Variants in KCNJ16 observed in about 807,000 individuals in gnomAD.
KCNJ16 encodes the protein inward rectifier potassium channel 16.
A neutral mutation model predicts 18.5 loss-of-function variants in KCNJ16; 15 were observed. The observed-to-expected ratio is 0.81, with a 90% CI of 0.54 to 1.25. The LOEUF (loss-of-function observed/expected upper bound fraction) is 1.25, where lower values mean the gene tolerates loss of function less well. Among genes scored for constraint, KCNJ16 ranks in the 50% most tolerant of loss-of-function variants. The pLI is 0.00. For synonymous variants in KCNJ16, 174 were observed against 186.5 expected, an observed-to-expected ratio of 0.93 and a Z score of 0.55; for missense variants, 523 against 525.7, an observed-to-expected ratio of 0.99 and a Z score of 0.05.
chr17:70,105,657 T>C (rs531525528), intron 2 of KCNJ16, among the ~76,000 whole-genome samples: 1 of 152,320 alleles, frequency 6.6e-6, no homozygotes, highest in South Asian at 2.1e-4. Context: ...AATAAGCCCT[T>C]CAAGCATTGA....
chr17:70,132,251 G>A lies in KCNJ16; in HGVS notation c.164G>A (p.Gly55Glu), dbSNP rs1268104464. The A allele has an allele frequency of 9.3e-6, 15 of 1,614,238 alleles. No individual in the cohort carries two copies. The highest frequency in any genetic ancestry group is 1.3e-5 in the Non-Finnish European group (15 of 1,180,036). Reference protein sequence around the residue: ...VYFKHIFGEWGSYVVDIFTTL... With the variant: ...VYFKHIFGEWESYVVDIFTTL... ...TTCAAGCACATTTTTGGAGAATGGG[G>A]AAGCTATGTGGTTGACATCTTCACC... is the stretch of plus-strand genomic sequence containing the variant. The change falls in exon 4 of 4, where the codon GGA becomes GAA. Residue 55 changes from glycine to glutamate, a missense_variant. Coordinates refer to ENST00000392671, the MANE Select transcript of KCNJ16 (RefSeq NM_170741.4).
At chr17:70,107,666 C>T (rs1356638475) in intron 2 of KCNJ16, among the ~76,000 whole-genome samples, 1 of 150,732 alleles carries the variant, frequency 6.6e-6, no homozygotes, top group East Asian at 1.9e-4. Flanking sequence ...GTTGGCATGA[C>T]AAATATGGCT....
chr17:70,102,966 ACT>A (rs1218907347), intron 2 of KCNJ16, among the ~76,000 whole-genome samples: 1 of 150,850 alleles, frequency 6.6e-6, no homozygotes, highest in African/African-American at 2.4e-5. Context: ...ACAGGGTCTC[ACT>A]CTGCCGCTCT....
chr17:70,118,528 G>A (rs1019685817), intron 2 of KCNJ16, among the ~76,000 whole-genome samples: 6 of 152,108 alleles, frequency 3.9e-5, no homozygotes, highest in African/African-American at 1.2e-4. Context: ...TGCTTCTGGG[G>A]AGGCCTCAGG....
Position 70,098,536 on chromosome 17 carries a change from T to TA in KCNJ16, c.-299-2108dup, listed in dbSNP as rs374041292. 2.8e-3 allele frequency among the ~76,000 whole-genome samples: 388 copies of TA among 140,736 alleles called. 1 individual carries two copies. Among genetic ancestry groups the TA allele is most frequent in the African/African-American group, 4.7e-3 (181 of 38,812 alleles). The allele number at this position is 140,736 out of a possible 152,430, so 92.3% of individuals were successfully genotyped here. ...AAATCTTCTTTCTTTTCCCTTTGATTAAAAAAAAAAAAAACCTTTATGGCC... is the reference window on the plus strand; with the variant it reads ...AAATCTTCTTTCTTTTCCCTTTGATTAAAAAAAAAAAAAAACCTTTATGGCC... On this transcript the variant is annotated intron_variant, in intron 1 of 3. Transcript: ENST00000392671.
chr17:70,088,088 G>A (rs1344051073), intron 1 of KCNJ16, among the ~76,000 whole-genome samples: 1 of 151,226 alleles, frequency 6.6e-6, no homozygotes, highest in Non-Finnish European at 1.5e-5. Context: ...CTAGGCCAAG[G>A]CACCTCACCA....
intron 2 of KCNJ16, among the ~76,000 whole-genome samples, chr17:70,105,258 T>A (rs535846231): frequency 6.6e-6 from 1 of 152,286 alleles, no homozygotes; most frequent in African/African-American, 2.4e-5. Flanking sequence ...CTTTCTCTCA[T>A]ATATCTCTGG....
intron 2 of KCNJ16, chr17:70,101,622 C>A (rs564185151): frequency 6.6e-6 from 1 of 152,082 alleles, no homozygotes; most frequent in South Asian, 2.1e-4. Context: ...CTCTGTCACC[C>A]AGGCTGGAGT....
intron 2 of KCNJ16, among the ~76,000 whole-genome samples, chr17:70,109,612 C>T (rs992029096): frequency 2.0e-5 from 3 of 152,112 alleles, no homozygotes; most frequent in African/African-American, 4.8e-5. Flanking sequence ...ATAAGCCCTG[C>T]CCCTCTTTAC....
intron 3 of KCNJ16, chr17:70,131,395 G>C: frequency 9.8e-7 from 1 of 1,023,710 alleles, no homozygotes; most frequent in Non-Finnish European, 1.2e-6. Flanking sequence ...ATGTGAAGTA[G>C]TACTCCTGTC....
chr17:70,132,848 T>G lies in KCNJ16; in HGVS notation c.761T>G (p.Val254Gly). Residue 254 changes from valine (V) to glycine (G), a missense_variant, in exon 4 of 4, where the codon GTC (valine) becomes GGC (glycine). Val to Gly is a moderately radical substitution (Grantham distance 109). Coordinates refer to ENST00000392671, the MANE Select transcript of KCNJ16 (RefSeq NM_170741.4). Reference sequence around the variant, plus strand: ...ATCCTGGTCACCCCGGTAACTATTGTCCATGAAATTGACCATGAGAGCCCT... The same window carrying G: ...ATCCTGGTCACCCCGGTAACTATTGGCCATGAAATTGACCATGAGAGCCCT... ...QIILVTPVTI[V>G]HEIDHESPLY... 2.5e-6 allele frequency: 4 copies of G among 1,614,052 alleles called. No homozygotes were observed. Among genetic ancestry groups the G allele is most frequent in the Non-Finnish European group, 3.4e-6 (4 of 1,180,030 alleles).
intron 2 of KCNJ16, among the ~76,000 whole-genome samples, chr17:70,122,508 A>C (rs925315105): frequency 3.3e-5 from 5 of 152,168 alleles, no homozygotes; most frequent in Admixed American, 1.3e-4. Flanking sequence ...CATGTAATTA[A>C]ATTTTCACTG....
Position 70,133,507 on chromosome 17 carries a change from T to C in KCNJ16, c.*163T>C, listed in dbSNP as rs1210531206. On this transcript the variant is annotated 3_prime_UTR_variant, in exon 4 of 4. Transcript: ENST00000392671. ...GGTAAAAGATAATCTAAAAATTCCA[T>C]AGTTCTCAGTTATTAAAATTTTTCT... is the stretch of plus-strand genomic sequence containing the variant. 5 of 596,100 alleles carry C rather than the reference T, an allele frequency of 8.4e-6. No individual in the cohort carries two copies. Among genetic ancestry groups the C allele is most frequent in the South Asian group, 3.3e-5 (1 of 30,062 alleles). The allele number at this position is 596,100 out of a possible 1,614,324, so 36.9% of individuals were successfully genotyped here.
chr17:70,104,004 T>C (rs1287493715), intron 2 of KCNJ16, among the ~76,000 whole-genome samples: 2 of 149,214 alleles, frequency 1.3e-5, no homozygotes, highest in Admixed American at 6.8e-5. Flanking sequence ...GGTGTCATCC[T>C]AGCAAACTTG....
Position 70,133,170 on chromosome 17 carries a change from A to G in KCNJ16, c.1083A>G (p.Glu361=). Residue 361 remains glutamate (E), a synonymous_variant, in exon 4 of 4, where the codon GAA becomes GAG. Transcript: ENST00000392671. Reference sequence around the variant, plus strand: ...TAGAAAAAGCACCACCAGTTCGAGAATCCTGCACGTCGGACACCAAGGCGA... The same window carrying G: ...TAGAAAAAGCACCACCAGTTCGAGAGTCCTGCACGTCGGACACCAAGGCGA... The part of the protein sequence containing the change: ...LHIEKAPPVR[E]SCTSDTKARR... 6.2e-7 allele frequency: 1 copy of G among 1,614,194 alleles called. No homozygotes were observed. The highest frequency in any genetic ancestry group is 1.1e-5 in the South Asian group (1 of 91,086).
chr17:70,092,529 G>GATAC lies in KCNJ16; in HGVS notation c.-299-8128_-299-8127insTACA, dbSNP rs1313728303. Among the ~76,000 whole-genome samples, 72 of 61,776 alleles carry GATAC rather than the reference G, an allele frequency of 1.2e-3. 2 individuals carry two copies. The highest frequency in any genetic ancestry group is 5.5e-3 in the African/African-American group (67 of 12,074). The allele number at this position is 61,776 out of a possible 152,430, so 40.5% of individuals were successfully genotyped here. On this transcript the variant is annotated intron_variant, in intron 1 of 3. Transcript: ENST00000392671. ...AGATAGATAGATAGATAGATACATA[G>GATAC]ACAGATAGATATAGATAGATATAGA...
intron 1 of KCNJ16, among the ~76,000 whole-genome samples, chr17:70,091,608 CA>C (rs2072094927): frequency 1.1e-4 from 17 of 150,280 alleles, no homozygotes; most frequent in South Asian, 8.4e-4. Flanking sequence ...TACACATACA[CA>C]CACACACACA....
chr17:70,129,952 T>G (rs76550526), intron 2 of KCNJ16, among the ~76,000 whole-genome samples: 2 of 150,924 alleles, frequency 1.3e-5, no homozygotes, highest in Non-Finnish European at 2.9e-5. Flanking sequence ...ATTTATTTTT[T>G]GGCAGAAGAA....
intron 1 of KCNJ16, among the ~76,000 whole-genome samples, chr17:70,079,983 G>A (rs575485716): frequency 8.5e-5 from 13 of 152,180 alleles, no homozygotes; most frequent in African/African-American, 1.4e-4. Flanking sequence ...GATTACAGGC[G>A]TGAGCAACCA....
Sources: gnomAD v4.1 joint callset for allele counts (sites outside exome capture counted in the v4.1 genomes callset) on GRCh38, gnomAD v4.1.1 for gene constraint, MANE v1.5 for transcripts, NCBI Gene and HGNC (gene_info 2026-07-23, HGNC 2026-07-21) for gene names.